The following SPINK8 variants were observed in gnomAD, a reference collection of about 807,000 sequenced individuals.
SPINK8 encodes the protein serine protease inhibitor Kazal-type 8.
In SPINK8, 12 loss-of-function variants were observed where a neutral mutation model predicts 14.4. The ratio of observed to expected loss-of-function variants is 0.83; its 90% CI spans 0.53 to 1.35. SPINK8 has a LOEUF of 1.35. Ranked by LOEUF, SPINK8 falls within the 40% of genes most tolerant of loss-of-function variation. The pLI is 0.00. For missense variants in SPINK8, 103 were observed against 117.0 expected (o/e 0.88, Z 0.55); for synonymous variants, 32 against 37.6 (o/e 0.85, Z 0.55).
intron 4 of SPINK8, among the ~76,000 whole-genome samples, chr3:48,324,019 C>CA (rs1401979393): frequency 1.3e-5 from 2 of 150,692 alleles, no homozygotes; most frequent in Admixed American, 1.3e-4. Context: ...TCCATTTCTG[C>CA]AAAAAAGCCA....
chr3:48,310,039 G>T (rs1008913478), intron 6 of SPINK8, 93 bp from the exon 7 acceptor site: 88 of 1,236,836 alleles, frequency 7.1e-5, no homozygotes, highest in Non-Finnish European at 8.6e-5. Flanking sequence ...CTAAGTTTGG[G>T]AAATAAACAT....
chr3:48,316,276 A>G lies in SPINK8; in HGVS notation c.239+3221T>C, dbSNP rs1287757767. The stretch of plus-strand genomic sequence containing the variant: ...AGGATGCATTCTAATAGAGCCACAC[A>G]TAGACAAATCATTATAAAATTGCCA... On this transcript the variant is annotated intron_variant, in intron 6 of 7. Coordinates refer to ENST00000434006, the MANE Select transcript of SPINK8 (RefSeq NM_001080525.3). 3 of 155,064 alleles carry G rather than the reference A, an allele frequency of 1.9e-5. No individual in the cohort carries two copies. In the Admixed American group the frequency reaches 2.0e-4, roughly 10 times the overall value. 9.6% of individuals were successfully genotyped at this position (155,064 alleles called of 1,614,324 possible).
At chr3:48,328,500 T>A (rs567834899) in intron 3 of SPINK8, among the ~76,000 whole-genome samples, 146 bp from the exon 4 acceptor site, 2 of 152,342 alleles carry the variant, frequency 1.3e-5, no homozygotes, top group East Asian at 3.9e-4. Flanking sequence ...CTGATGCAAC[T>A]CAATTGTTTA....
rs370203647 is a variant in SPINK8 at position 48,325,224 on chromosome 3, T to A, written c.67+3051A>T. Among the ~76,000 whole-genome samples the A allele has an allele frequency of 6.6e-5, 10 of 152,314 alleles. No individual in the cohort carries two copies. The East Asian group carries it at 1.7e-3, about 26-fold the overall frequency. On this transcript the variant is annotated intron_variant, in intron 4 of 7. Transcript: ENST00000434006. ...TAAAGCATATAGTTGGATGTTGGTT[T>A]TTTTTTGTTCAGTCTGACAGTTTAT...
intron 2 of SPINK8, among the ~76,000 whole-genome samples, chr3:48,329,907 TGGAGA>T (rs1289596250): frequency 6.6e-6 from 1 of 152,246 alleles, no homozygotes; most frequent in African/African-American, 2.4e-5. Context: ...CTGAGAAATC[TGGAGA>T]TAGAGTGCTC....
At chr3:48,307,085 G>T in intron 7 of SPINK8, 82 bp from the exon 8 acceptor site, 2 of 1,296,972 alleles carry the variant, frequency 1.5e-6, no homozygotes, top group Non-Finnish European at 2.2e-6. Flanking sequence ...CACAACCATA[G>T]TTCAGCAGGG....
rs1051785307 is a variant in SPINK8, at chr3:48,320,967, T to A, written c.117+58A>T. On this transcript the variant is annotated intron_variant, in intron 5 of 7. Transcript: ENST00000434006. ...TCCCAGAAGAAAGAGCTGGGGCTTT[T>A]GGGCAAACTGGCTCTCTCCCCATTC... 7 of 1,538,420 alleles carry A rather than the reference T, an allele frequency of 4.6e-6. No individual in the cohort carries two copies. The African/African-American group carries it at 9.6e-5, about 21-fold the overall frequency.
chr3:48,312,422 GACCT>G (rs2035934059), intron 6 of SPINK8, among the ~76,000 whole-genome samples: 1 of 151,740 alleles, frequency 6.6e-6, no homozygotes, highest in Non-Finnish European at 1.5e-5. Context: ...TCAGGCAGAT[GACCT>G]GAGGTCAAGA....
chr3:48,321,464 T>C (rs566008048), intron 4 of SPINK8, among the ~76,000 whole-genome samples: 1 of 151,466 alleles, frequency 6.6e-6, no homozygotes, highest in East Asian at 1.9e-4. Flanking sequence ...CATATGTATA[T>C]AAAATTTTAT....
chr3:48,313,268 C>A (rs2035947360), intron 6 of SPINK8, among the ~76,000 whole-genome samples: 1 of 151,992 alleles, frequency 6.6e-6, no homozygotes, highest in Admixed American at 6.6e-5. Context: ...ATAAAGAATT[C>A]TTACAACTAA....
chr3:48,318,112 CT>C (rs1265776511), intron 6 of SPINK8, among the ~76,000 whole-genome samples: 1 of 151,922 alleles, frequency 6.6e-6, no homozygotes, highest in Admixed American at 6.6e-5. Context: ...TAGAATTTAA[CT>C]TGTAATATCC....
At chr3:48,315,171 G>A (rs558638068) in intron 6 of SPINK8, among the ~76,000 whole-genome samples, 1 of 152,158 alleles carries the variant, frequency 6.6e-6, no homozygotes, top group Non-Finnish European at 1.5e-5. Flanking sequence ...GATTATTTCA[G>A]AAGTCACTAA....
intron 5 of SPINK8, among the ~76,000 whole-genome samples, chr3:48,320,315 C>T (rs950931033): frequency 6.6e-6 from 1 of 151,940 alleles, no homozygotes; most frequent in African/African-American, 2.4e-5. Flanking sequence ...TTTGGGAGGC[C>T]GAGGTGGGCA....
In SPINK8 at chr3:48,321,078, G is replaced by A. The variant is rs553536044; in HGVS notation, c.68-4C>T. 6.7e-5 allele frequency: 106 copies of A among 1,575,700 alleles called. 2 individuals carry two copies. In the South Asian group the frequency reaches 1.1e-3, roughly 17 times the overall value. Reference sequence around the variant, plus strand: ...GAGGCCATAGGAAGGGGGAAGTCTGGAAGACAAAAGCACATACAGAAAAGT... The same window carrying A: ...GAGGCCATAGGAAGGGGGAAGTCTGAAAGACAAAAGCACATACAGAAAAGT... On this transcript the variant is annotated splice_polypyrimidine_tract_variant and splice_region_variant and intron_variant, in intron 4 of 7. Transcript: ENST00000434006.
chr3:48,310,193 A>G (rs6782166), intron 6 of SPINK8, among the ~76,000 whole-genome samples: 32,791 of 152,102 alleles, frequency 0.22, 4,357 homozygotes, highest in South Asian at 0.3. Flanking sequence ...TCAAGTAGAA[A>G]TACAGAGGAT....
Position 48,313,003 on chromosome 3 carries a change from A to C in SPINK8, c.240-3057T>G, listed in dbSNP as rs1370353998. 2.0e-5 allele frequency among the ~76,000 whole-genome samples: 3 copies of C among 152,100 alleles called. No homozygotes were observed. The East Asian group carries it at 5.8e-4, about 29-fold the overall frequency. On this transcript the variant is annotated intron_variant, in intron 6 of 7. Transcript: ENST00000434006. ...CAGAGTCAGACTCTGTCTCAAAAAA[A>C]AAAAAAGATCAATGGGCTAAAACTA...
intron 3 of SPINK8, 136 bp from the exon 4 acceptor site, chr3:48,328,490 CT>C: frequency 2.0e-6 from 1 of 504,790 alleles, no homozygotes. Flanking sequence ...TGAATTGTGT[CT>C]GATGCAACTC....
chr3:48,314,912 C>T (rs1461543574), intron 6 of SPINK8, among the ~76,000 whole-genome samples: 1 of 152,180 alleles, frequency 6.6e-6, no homozygotes, highest in Non-Finnish European at 1.5e-5. Context: ...GAGAAAGTCC[C>T]AACATCTCAT....
chr3:48,326,100 T>C (rs2036137699), intron 4 of SPINK8, among the ~76,000 whole-genome samples: 1 of 151,632 alleles, frequency 6.6e-6, no homozygotes, highest in African/African-American at 2.4e-5. Flanking sequence ...AACACAAAGG[T>C]ATGGGGGGAA....
Sources: gnomAD v4.1 joint callset for allele counts (sites outside exome capture counted in the v4.1 genomes callset) on GRCh38, gnomAD v4.1.1 for gene constraint, MANE v1.5 for transcripts, NCBI Gene and HGNC (gene_info 2026-07-23, HGNC 2026-07-21) for gene names.